Variants in MYO3B observed in about 807,000 individuals in gnomAD.
MYO3B encodes the protein myosin IIIB.
MYO3B carries 156 observed loss-of-function variants against 174.6 expected under a neutral mutation model. That is an observed-to-expected ratio of 0.89 (90% CI 0.78 to 1.02). The LOEUF (loss-of-function observed/expected upper bound fraction) is 1.02. MYO3B is among the 50% of genes least tolerant of loss of function. MYO3B has a pLI of 0.00. For synonymous variants in MYO3B, 563 were observed against 569.1 expected (o/e 0.99, Z 0.15); for missense variants, 1,632 against 1,639.4 (o/e 1.00, Z 0.08).
chr2:170,218,187 A>C (rs890456517), intron 6 of MYO3B, among the ~76,000 whole-genome samples: 6 of 152,178 alleles, frequency 3.9e-5, no homozygotes, highest in African/African-American at 1.2e-4. Context: ...GGTTCACACT[A>C]ATCTCTGCTT....
In MYO3B at chr2:170,257,243, T is replaced by C. The variant is rs574435322; in HGVS notation, c.749+21107T>C. ...TTGACACTTGACCAATTGGACCTAA[T>C]AGATGTCTACAGAATATTCCACCCC... On this transcript the variant is annotated intron_variant, in intron 7 of 34. Coordinates refer to ENST00000408978, the MANE Select transcript of MYO3B (RefSeq NM_138995.5). Among the ~76,000 whole-genome samples the C allele has an allele frequency of 1.5e-3, 236 of 152,288 alleles. 2 individuals carry two copies. The highest frequency in any genetic ancestry group is 5.4e-3 in the African/African-American group (223 of 41,558).
chr2:170,596,291 G>A (rs555255596), intron 32 of MYO3B, among the ~76,000 whole-genome samples: 6 of 152,248 alleles, frequency 3.9e-5, no homozygotes, highest in Middle Eastern at 3.4e-3. Context: ...TTTCTGAGGG[G>A]CACCCCTACC....
chr2:170,563,732 CCAAGTCTCTG>C (rs1238866427), intron 32 of MYO3B, among the ~76,000 whole-genome samples: 10 of 152,154 alleles, frequency 6.6e-5, no homozygotes, highest in Non-Finnish European at 1.2e-4. Context: ...ACAAGCCAGG[CCAAGTCTCTG>C]CAATTCTCTC....
Position 170,619,769 on chromosome 2 carries a change from C to G in MYO3B, c.3734-31859C>G, listed in dbSNP as rs1474589751. ...TTTTTTTTTTTTTTTTTTTTTGAGA[C>G]AGAGTCTCGTTCTGTTGCCCAAGCT... On this transcript the variant is annotated intron_variant, in intron 32 of 34. Transcript: ENST00000408978. Among the ~76,000 whole-genome samples, 4 of 18,600 alleles carry G rather than the reference C, an allele frequency of 2.2e-4. No homozygotes were observed. In the East Asian group the frequency reaches 2.8e-3, roughly 13 times the overall value. 12.2% of individuals were successfully genotyped at this position (18,600 alleles called of 152,430 possible).
rs970932671 is a variant in MYO3B, at chr2:170,217,295, A to C, written c.527-24A>C. On this transcript the variant is annotated intron_variant, in intron 5 of 34. Coordinates refer to ENST00000408978, the MANE Select transcript of MYO3B (RefSeq NM_138995.5). ...TAGCATCATACTTTGCTCACTTTTG[A>C]ATTCTGATACTCTTTCCTTATAGGT... The C allele has an allele frequency of 1.9e-6, 3 of 1,609,406 alleles. No homozygotes were observed. In the Admixed American group the frequency reaches 5.0e-5, roughly 27 times the overall value.
chr2:170,213,263 T>A (rs956527567), intron 3 of MYO3B, among the ~76,000 whole-genome samples: 1 of 152,190 alleles, frequency 6.6e-6, no homozygotes, highest in Non-Finnish European at 1.5e-5. Flanking sequence ...GCAAGACTCC[T>A]GTCTCAAGAG....
chr2:170,359,532 T>G (rs1372245486), intron 8 of MYO3B, among the ~76,000 whole-genome samples: 1 of 152,160 alleles, frequency 6.6e-6, no homozygotes, highest in African/African-American at 2.4e-5. Flanking sequence ...ACCTTCTGGG[T>G]TCTGAAAAGA....
intron 7 of MYO3B, among the ~76,000 whole-genome samples, chr2:170,287,318 T>C (rs1010129959): frequency 6.6e-6 from 1 of 152,184 alleles, no homozygotes; most frequent in African/African-American, 2.4e-5. Context: ...GTCTCCATAG[T>C]GGCTGTACTA....
intron 7 of MYO3B, among the ~76,000 whole-genome samples, chr2:170,310,492 A>G (rs1308106907): frequency 1.3e-5 from 2 of 152,024 alleles, no homozygotes; most frequent in East Asian, 3.9e-4. Context: ...GCAAAACCTC[A>G]TCTCTACTAA....
intron 6 of MYO3B, 63 bp from the exon 7 acceptor site, chr2:170,235,928 C>T: frequency 1.2e-6 from 2 of 1,602,258 alleles, no homozygotes; most frequent in Non-Finnish European, 1.7e-6. Flanking sequence ...CAGCCCAGGG[C>T]CTTTTTAGGA....
chr2:170,301,220 C>T (rs140018999), intron 7 of MYO3B, among the ~76,000 whole-genome samples: 3,728 of 152,260 alleles, frequency 0.024, 90 homozygotes, highest in Non-Finnish European at 0.037. Flanking sequence ...GCTGCTCAAC[C>T]ATGTTTTATT....
At position 170,589,641 on chromosome 2, in the gene MYO3B, TTA is replaced by T. The variant is rs569032757; in HGVS notation, c.3733+45655_3733+45656del. ...GTTTTTGTACAGCTGCACAATGTGT[TTA>T]TGTTTTGAGCTAAGTGTTATTATGA... On this transcript the variant is annotated intron_variant, in intron 32 of 34. Coordinates refer to ENST00000408978, the MANE Select transcript of MYO3B (RefSeq NM_138995.5). Among the ~76,000 whole-genome samples, 40 of 152,328 alleles carry T rather than the reference TTA, an allele frequency of 2.6e-4. No homozygotes were observed. The East Asian group carries it at 6.5e-3, about 25-fold the overall frequency.
rs140534056 is a variant in MYO3B at position 170,439,841 on chromosome 2, C to T, written c.2651-4126C>T. Among the ~76,000 whole-genome samples the T allele has an allele frequency of 2.7e-3, 408 of 152,148 alleles. 2 individuals carry two copies. The highest frequency in any genetic ancestry group is 8.7e-3 in the African/African-American group (363 of 41,538). ...GACCACAGGTGCCCACCACCACGCC[C>T]GGCTAATTTTTTGTGTTTTTAGTAG... is the stretch of plus-strand genomic sequence containing the variant. On this transcript the variant is annotated intron_variant, in intron 22 of 34. Transcript: ENST00000408978.
At chr2:170,357,328 A>T (rs4668245) in intron 8 of MYO3B, among the ~76,000 whole-genome samples, 64,405 of 138,876 alleles carry the variant, frequency 0.46, 17,038 homozygotes, top group Admixed American at 0.63. Context: ...AATAAAAATA[A>T]ATAATATATA....
At chr2:170,452,464 A>G (rs1311796031) in intron 23 of MYO3B, among the ~76,000 whole-genome samples, 2 of 152,248 alleles carry the variant, frequency 1.3e-5, no homozygotes, top group African/African-American at 4.8e-5. Context: ...TCAGAAAAAT[A>G]TGATTCAAGA....
intron 7 of MYO3B, among the ~76,000 whole-genome samples, chr2:170,329,230 A>T (rs1049441016): frequency 5.4e-5 from 8 of 148,552 alleles, no homozygotes; most frequent in Non-Finnish European, 1.0e-4. Flanking sequence ...ACAGAAAAAC[A>T]GTGTGTGTGT....
chr2:170,378,639 C>G (rs6715899), intron 9 of MYO3B, among the ~76,000 whole-genome samples: 67,051 of 152,038 alleles, frequency 0.44, 15,151 homozygotes, highest in East Asian at 0.58. Context: ...CACACAATCT[C>G]CTTCAGGCTC....
At chr2:170,613,376 A>C (rs778246885) in intron 32 of MYO3B, among the ~76,000 whole-genome samples, 7 of 152,294 alleles carry the variant, frequency 4.6e-5, no homozygotes, top group Non-Finnish European at 8.8e-5. Context: ...ACTCTGACGC[A>C]CACCTCAGTC....
intron 32 of MYO3B, among the ~76,000 whole-genome samples, chr2:170,585,411 C>T (rs775270841): frequency 7.2e-5 from 11 of 152,082 alleles, no homozygotes; most frequent in Non-Finnish European, 1.5e-4. Flanking sequence ...CAACTCCCCT[C>T]TGAAAGCTTC....
Sources: gnomAD v4.1 joint callset for allele counts (sites outside exome capture counted in the v4.1 genomes callset) on GRCh38, gnomAD v4.1.1 for gene constraint, MANE v1.5 for transcripts, NCBI Gene and HGNC (gene_info 2026-07-23, HGNC 2026-07-21) for gene names.